ARID2: variants seen among roughly 807,000 people sequenced by gnomAD.
The protein encoded by ARID2 is AT-rich interaction domain 2, also known as AT-rich interactive domain-containing protein 2.
A neutral mutation model predicts 184.6 loss-of-function variants in ARID2; 32 were observed. The ratio of observed to expected loss-of-function variants is 0.17; its 90% CI spans 0.13 to 0.23. ARID2 has a LOEUF of 0.23. ARID2 is among the 10% of genes least tolerant of loss of function. ARID2 has a pLI of 1.00. For missense variants in ARID2, 1,696 were observed against 2,197.6 expected, an observed-to-expected ratio of 0.77 and a Z score of 4.56; for synonymous variants, 836 against 772.6, an observed-to-expected ratio of 1.08 and a Z score of -1.36.
chr12:45,829,540 A>G (rs1207546393), intron 6 of ARID2, among the ~76,000 whole-genome samples: 2 of 151,846 alleles, frequency 1.3e-5, no homozygotes, highest in Non-Finnish European at 2.9e-5. Flanking sequence ...AGATCTTTCA[A>G]TGAAGATATT....
chr12:45,736,986 C>T (rs2041433895), intron 3 of ARID2, among the ~76,000 whole-genome samples: 1 of 152,172 alleles, frequency 6.6e-6, no homozygotes, highest in South Asian at 2.1e-4. Context: ...CTAAGAGATG[C>T]ACAACTATAC....
At chr12:45,854,381 C>T (rs1408066712) in intron 15 of ARID2, among the ~76,000 whole-genome samples, 1 of 152,166 alleles carries the variant, frequency 6.6e-6, no homozygotes, top group African/African-American at 2.4e-5. Context: ...AAACCGGTCC[C>T]TGGTGCCAAA....
chr12:45,730,461 G>A (rs1592040003), intron 2 of ARID2, among the ~76,000 whole-genome samples: 1 of 147,736 alleles, frequency 6.8e-6, no homozygotes, highest in African/African-American at 2.5e-5. Context: ...TGAGCCCCGC[G>A]CCCGCCCCGC....
At chr12:45,833,504 G>A (rs1033785203) in intron 6 of ARID2, among the ~76,000 whole-genome samples, 1 of 152,008 alleles carries the variant, frequency 6.6e-6, no homozygotes, top group Non-Finnish European at 1.5e-5. Flanking sequence ...TTCTTTGTAG[G>A]TGTGGTAATT....
chr12:45,851,993 G>T lies in ARID2; in HGVS notation c.3870G>T (p.Val1290=), dbSNP rs760070098. 2 of 1,614,132 alleles carry T rather than the reference G, an allele frequency of 1.2e-6. No individual in the cohort carries two copies. The highest frequency in any genetic ancestry group is 2.2e-5 in the South Asian group (2 of 91,080). The part of the protein sequence containing the change: ...NGDTKENEMH[V]GSLLNGRKYS... ...ATACAAAGGAAAATGAAATGCATGT[G>T]GGAAGTCTTTTAAATGGGAGAAAGT... is the stretch of plus-strand genomic sequence containing the variant. The change falls in exon 15 of 21, where the codon GTG becomes GTT. Residue 1290 remains valine (V), a synonymous_variant. Transcript: ENST00000334344.
At chr12:45,888,161 CTCCAGCCTGGGTGA>C (rs1166111509) in intron 16 of ARID2, among the ~76,000 whole-genome samples, 12 of 150,498 alleles carry the variant, frequency 8.0e-5, no homozygotes, top group African/African-American at 2.7e-4. Context: ...CGCCACTGCA[CTCCAGCCTGGGTGA>C]CAGAGCGAGA....
chr12:45,827,802 T>C (rs1348474309), intron 6 of ARID2, among the ~76,000 whole-genome samples: 2 of 152,108 alleles, frequency 1.3e-5, no homozygotes, highest in Non-Finnish European at 2.9e-5. Flanking sequence ...GTTTGAGGTA[T>C]AGAAAGTATG....
At chr12:45,879,152 C>T (rs1272559382) in intron 16 of ARID2, among the ~76,000 whole-genome samples, 2 of 152,060 alleles carry the variant, frequency 1.3e-5, no homozygotes, top group Non-Finnish European at 2.9e-5. Context: ...TTAAAAAAGT[C>T]GGCCTTCATC....
At chr12:45,859,667 G>C (rs2138190908) in intron 15 of ARID2, among the ~76,000 whole-genome samples, 1 of 152,214 alleles carries the variant, frequency 6.6e-6, no homozygotes, top group African/African-American at 2.4e-5. Flanking sequence ...TTTTCCAAGA[G>C]AAAGGGATGG....
At chr12:45,844,433 T>C (rs770734777) in intron 11 of ARID2, among the ~76,000 whole-genome samples, 8 of 152,222 alleles carry the variant, frequency 5.3e-5, no homozygotes, top group Non-Finnish European at 8.8e-5. Context: ...AGCAGAATTA[T>C]CATTACTCTA....
At chr12:45,792,872 T>C (rs1942318270) in intron 3 of ARID2, among the ~76,000 whole-genome samples, 1 of 152,234 alleles carries the variant, frequency 6.6e-6, no homozygotes, top group South Asian at 2.1e-4. Flanking sequence ...TTGGTTAATA[T>C]CTACATTTTA....
At chr12:45,821,384 T>A in intron 5 of ARID2, 36 bp from the exon 6 acceptor site, 1 of 1,287,892 alleles carries the variant, frequency 7.8e-7, no homozygotes, top group Non-Finnish European at 1.1e-6. Context: ...TTTATTGCAT[T>A]TTATTGAATG....
chr12:45,902,482 T>C (rs892752880), intron 20 of ARID2, among the ~76,000 whole-genome samples: 4 of 152,108 alleles, frequency 2.6e-5, no homozygotes, highest in African/African-American at 9.7e-5. Context: ...AAAATATTCA[T>C]TGATTGTGGG....
chr12:45,814,509 G>T (rs1212140823), intron 4 of ARID2, among the ~76,000 whole-genome samples: 1 of 152,128 alleles, frequency 6.6e-6, no homozygotes, highest in Non-Finnish European at 1.5e-5. Flanking sequence ...AATTGGCCAG[G>T]TGTGGTGTCG....
intron 3 of ARID2, among the ~76,000 whole-genome samples, chr12:45,804,678 T>G (rs1942568920): frequency 6.6e-6 from 1 of 152,124 alleles, no homozygotes; most frequent in Admixed American, 6.5e-5. Context: ...ACTGGTTTTT[T>G]GATGTTAAAA....
At chr12:45,837,224 T>A (rs576503353) in intron 8 of ARID2, 97 bp from the exon 9 acceptor site, 1 of 1,197,132 alleles carries the variant, frequency 8.4e-7, no homozygotes, top group Admixed American at 2.5e-5. Context: ...TTTAACGTTA[T>A]GCAACATTGT....
At chr12:45,904,083 C>G (rs1446236911) in intron 20 of ARID2, among the ~76,000 whole-genome samples, 1 of 152,014 alleles carries the variant, frequency 6.6e-6, no homozygotes, top group African/African-American at 2.4e-5. Context: ...TTTATAATCT[C>G]TCATTATATA....
intron 3 of ARID2, among the ~76,000 whole-genome samples, chr12:45,739,438 CTTT>C (rs71067906): frequency 1.2e-4 from 11 of 90,780 alleles, no homozygotes; most frequent in African/African-American, 4.1e-4. Flanking sequence ...TATAAAGTTA[CTTT>C]TTTTTTTTTT....
In ARID2 at chr12:45,849,564, T is replaced by C. The variant is rs775149608; in HGVS notation, c.1716-16T>C. The stretch of plus-strand genomic sequence containing the variant: ...GATAGTTATCAAAACTTACTGATTA[T>C]GTATGTACTTTACAGAACGGTCTTT... On this transcript the variant is annotated splice_polypyrimidine_tract_variant and intron_variant, in intron 13 of 20. Coordinates refer to ENST00000334344, the MANE Select transcript of ARID2 (RefSeq NM_152641.4). The C allele has an allele frequency of 8.4e-5, 134 of 1,599,912 alleles. No homozygotes were observed. The highest frequency in any genetic ancestry group is 1.1e-4 in the Non-Finnish European group (126 of 1,170,738).
Sources: allele counts gnomAD v4.1 joint callset (sites outside exome capture counted in the v4.1 genomes callset), GRCh38; gene constraint gnomAD v4.1.1; transcripts MANE v1.5; gene names NCBI Gene and HGNC (gene_info 2026-07-23, HGNC 2026-07-21).